SH3PXD2B: variants seen among roughly 807,000 people sequenced by gnomAD.
SH3PXD2B encodes the protein SH3 and PX domain-containing protein 2B.
SH3PXD2B carries 37 observed loss-of-function variants against 73.1 expected under a neutral mutation model. That is an observed-to-expected ratio of 0.51 (90% confidence interval 0.39 to 0.67). The LOEUF (loss-of-function observed/expected upper bound fraction) is 0.67. Ranked by LOEUF, SH3PXD2B falls within the 30% of genes least tolerant of loss-of-function variation. The pLI is 0.00. For synonymous variants in SH3PXD2B, 457 were observed against 480.5 expected, an observed-to-expected ratio of 0.95 and a Z score of 0.64; for missense variants, 1,053 against 1,197.8, an observed-to-expected ratio of 0.88 and a Z score of 1.78.
intron 12 of SH3PXD2B, among the ~76,000 whole-genome samples, chr5:172,345,110 A>G (rs10056253): frequency 0.03 from 4,264 of 140,290 alleles, 185 homozygotes; most frequent in African/African-American, 0.12. Context: ...GGGAAGGAAG[A>G]AGGGAAGGAA....
At chr5:172,411,715 C>T (rs4867674) in intron 2 of SH3PXD2B, among the ~76,000 whole-genome samples, 56,367 of 151,920 alleles carry the variant, frequency 0.37, 10,921 homozygotes, top group East Asian at 0.67. Context: ...AAGAAATCCC[C>T]GCTCCTTACA....
chr5:172,447,036 G>A (rs1388849661), intron 1 of SH3PXD2B, among the ~76,000 whole-genome samples: 1 of 152,170 alleles, frequency 6.6e-6, no homozygotes, highest in Non-Finnish European at 1.5e-5. Context: ...TTTGGGACAG[G>A]ATGGGGCAGC....
chr5:172,348,663 C>CTATG (rs1554135139), intron 10 of SH3PXD2B, among the ~76,000 whole-genome samples: 15 of 28,860 alleles, frequency 5.2e-4, no homozygotes, highest in East Asian at 3.4e-3. Flanking sequence ...TCCTATCTAT[C>CTATG]TATCTATCTA....
At chr5:172,369,245 T>C (rs1757647906) in intron 6 of SH3PXD2B, among the ~76,000 whole-genome samples, 1 of 151,706 alleles carries the variant, frequency 6.6e-6, no homozygotes, top group African/African-American at 2.4e-5. Flanking sequence ...TTGTTTTGTT[T>C]TTTTTTTAAA....
In SH3PXD2B at chr5:172,404,270, A is replaced by G. The variant is rs192891676; in HGVS notation, c.232+2007T>C. Among the ~76,000 whole-genome samples the G allele has an allele frequency of 3.9e-5, 6 of 152,140 alleles. No homozygotes were observed. In the South Asian group the frequency reaches 6.2e-4, roughly 16 times the overall value. ...TTGTGTGACCCAGGGAGTCCCCCCA[A>G]TCTCTAGACCTGTTCCCTTTGCTGA... is the stretch of plus-strand genomic sequence containing the variant. On this transcript the variant is annotated intron_variant, in intron 3 of 12. Transcript: ENST00000311601.
chr5:172,354,015 C>T lies in SH3PXD2B; in HGVS notation c.668-10G>A. 1 of 1,612,580 alleles carries T rather than the reference C, an allele frequency of 6.2e-7. No homozygotes were observed. The highest frequency in any genetic ancestry group is 8.5e-7 in the Non-Finnish European group (1 of 1,178,636). On this transcript the variant is annotated splice_polypyrimidine_tract_variant and intron_variant, in intron 8 of 12. Coordinates refer to ENST00000311601, the MANE Select transcript of SH3PXD2B (RefSeq NM_001017995.3). ...ACTGTGTACTTCTCCTCTGTGGGGACAAAAGGAAGCTGGGGTCAGAAGAGG... is the reference window on the plus strand; with the variant it reads ...ACTGTGTACTTCTCCTCTGTGGGGATAAAAGGAAGCTGGGGTCAGAAGAGG...
chr5:172,435,116 C>T (rs879356355), intron 1 of SH3PXD2B, among the ~76,000 whole-genome samples: 8 of 152,114 alleles, frequency 5.3e-5, no homozygotes, highest in Non-Finnish European at 8.8e-5. Context: ...CACAGAAGAC[C>T]TCAGAACAGG....
At chr5:172,354,128 C>G (rs1029961537) in intron 8 of SH3PXD2B, 123 bp from the exon 9 acceptor site, 4 of 927,534 alleles carry the variant, frequency 4.3e-6, no homozygotes, top group Non-Finnish European at 6.9e-6. Context: ...GGGCACCCCC[C>G]CTGGCCCTGA....
intron 10 of SH3PXD2B, among the ~76,000 whole-genome samples, chr5:172,349,969 C>T (rs1169526763): frequency 1.3e-5 from 2 of 152,180 alleles, no homozygotes; most frequent in African/African-American, 4.8e-5. Context: ...ATTCTCCTAT[C>T]TCAGCCTCCC....
At chr5:172,437,882 G>A (rs989260742) in intron 1 of SH3PXD2B, among the ~76,000 whole-genome samples, 4 of 152,060 alleles carry the variant, frequency 2.6e-5, no homozygotes, top group Non-Finnish European at 4.4e-5. Flanking sequence ...GGGAAATGGC[G>A]GCAGGAGTAG....
chr5:172,352,880 A>G (rs575811490), intron 9 of SH3PXD2B, among the ~76,000 whole-genome samples: 2 of 152,236 alleles, frequency 1.3e-5, no homozygotes, highest in South Asian at 4.2e-4. Flanking sequence ...CAGCATGAAA[A>G]TAGACTAATA....
rs185707665 is a variant in SH3PXD2B, at chr5:172,344,542, T to G, written c.1188+1594A>C. 1.1e-4 allele frequency among the ~76,000 whole-genome samples: 15 copies of G among 132,050 alleles called. No individual in the cohort carries two copies. In the East Asian group the frequency reaches 3.1e-3, roughly 27 times the overall value. 86.6% of individuals were successfully genotyped at this position (132,050 alleles called of 152,430 possible). Reference sequence around the variant, plus strand: ...GGCGGAGGTTGCAGTGAGCTGAGATTGAGCCATTGCACTCCAGCCTGGGCA... The same window carrying G: ...GGCGGAGGTTGCAGTGAGCTGAGATGGAGCCATTGCACTCCAGCCTGGGCA... On this transcript the variant is annotated intron_variant, in intron 12 of 12. Coordinates refer to ENST00000311601, the MANE Select transcript of SH3PXD2B (RefSeq NM_001017995.3).
At chr5:172,447,000 C>G (rs955140730) in intron 1 of SH3PXD2B, among the ~76,000 whole-genome samples, 16 of 152,226 alleles carry the variant, frequency 1.1e-4, no homozygotes, top group African/African-American at 3.9e-4. Flanking sequence ...AAGGCTGGTG[C>G]CTGCCTCAGG....
intron 1 of SH3PXD2B, among the ~76,000 whole-genome samples, chr5:172,424,192 C>T (rs940550238): frequency 1.3e-5 from 2 of 152,216 alleles, no homozygotes; most frequent in African/African-American, 2.4e-5. Flanking sequence ...CATCCACTGT[C>T]TTGAATAACT....
chr5:172,431,732 C>A (rs768179679), intron 1 of SH3PXD2B, among the ~76,000 whole-genome samples: 2 of 152,148 alleles, frequency 1.3e-5, no homozygotes, highest in Non-Finnish European at 2.9e-5. Flanking sequence ...GCGGTAGTTA[C>A]GTTCTGTAAA....
intron 12 of SH3PXD2B, among the ~76,000 whole-genome samples, chr5:172,327,825 G>C (rs1293064086): frequency 2.0e-5 from 3 of 150,834 alleles, no homozygotes; most frequent in African/African-American, 7.4e-5. Context: ...CATAATCTTG[G>C]CTCAGTGCAA....
chr5:172,376,839 A>C (rs975580342), intron 5 of SH3PXD2B, among the ~76,000 whole-genome samples: 1 of 152,202 alleles, frequency 6.6e-6, no homozygotes, highest in African/African-American at 2.4e-5. Flanking sequence ...AGATGAAGAT[A>C]CTGACGCCCA....
intron 3 of SH3PXD2B, 134 bp from the exon 4 acceptor site, chr5:172,394,773 C>A: frequency 1.2e-6 from 1 of 845,368 alleles, no homozygotes; most frequent in Non-Finnish European, 1.9e-6. Flanking sequence ...GATCAAGGTA[C>A]CCCCACTGGA....
At chr5:172,361,028 G>A (rs1034099817) in intron 7 of SH3PXD2B, among the ~76,000 whole-genome samples, 1 of 152,094 alleles carries the variant, frequency 6.6e-6, no homozygotes, top group Admixed American at 6.6e-5. Context: ...GAGCTAGATA[G>A]TAACTAAAAA....
Sources: gnomAD v4.1 joint callset for allele counts (sites outside exome capture counted in the v4.1 genomes callset) on GRCh38, gnomAD v4.1.1 for gene constraint, MANE v1.5 for transcripts, NCBI Gene and HGNC (gene_info 2026-07-23, HGNC 2026-07-21) for gene names.